The following TRAK2 variants were observed in gnomAD, a reference collection of about 807,000 sequenced individuals.
TRAK2 encodes trafficking kinesin protein 2.
TRAK2 carries 81 observed loss-of-function variants against 104.6 expected under a neutral mutation model. The ratio of observed to expected loss-of-function variants is 0.77; its 90% CI spans 0.65 to 0.93. The LOEUF is 0.93. Among genes scored for constraint, TRAK2 ranks in the 40% least tolerant of loss-of-function variants. The pLI, the probability that TRAK2 is intolerant of heterozygous loss-of-function variation, is 0.00. For missense variants in TRAK2, 1,002 were observed against 1,089.0 expected (o/e 0.92, Z 1.12); for synonymous variants, 406 against 394.4 (o/e 1.03, Z -0.35).
chr2:201,449,745 A>C (rs1951996723), intron 1 of TRAK2, among the ~76,000 whole-genome samples: 1 of 151,634 alleles, frequency 6.6e-6, no homozygotes, highest in Non-Finnish European at 1.5e-5. Context: ...CTCCGGGTTC[A>C]AGCAATTCTT....
intron 12 of TRAK2, chr2:201,388,215 G>T: frequency 1.8e-6 from 1 of 563,538 alleles, no homozygotes; most frequent in African/African-American, 1.9e-5. Flanking sequence ...TGAAAGGCAA[G>T]ATAATACTTT....
chr2:201,417,586 T>G (rs1487662465), intron 2 of TRAK2, among the ~76,000 whole-genome samples: 2 of 152,186 alleles, frequency 1.3e-5, no homozygotes, highest in Non-Finnish European at 2.9e-5. Context: ...GAAGGATATC[T>G]TCTCAATTTA....
At chr2:201,412,473 C>T in intron 2 of TRAK2, 1 of 1,142,286 alleles carries the variant, frequency 8.8e-7, no homozygotes. Context: ...GATCCAACTG[C>T]CTACTGAAAC....
intron 4 of TRAK2, 22 bp downstream of exon 4, chr2:201,400,996 G>T: frequency 6.3e-7 from 1 of 1,593,486 alleles, no homozygotes. Flanking sequence ...TTTTGTACTG[G>T]AGAAAGAAAA....
intron 1 of TRAK2, among the ~76,000 whole-genome samples, chr2:201,442,285 G>A (rs1468550906): frequency 1.3e-5 from 2 of 151,742 alleles, no homozygotes; most frequent in East Asian, 2.0e-4. Context: ...CAGCTACTCG[G>A]GAGGCTGCGG....
At chr2:201,417,700 T>C (rs1041210542) in intron 2 of TRAK2, among the ~76,000 whole-genome samples, 1 of 152,098 alleles carries the variant, frequency 6.6e-6, no homozygotes, top group African/African-American at 2.4e-5. Context: ...TATTCAACAA[T>C]ATACTGAGAT....
At chr2:201,422,190 G>C (rs546432853) in intron 1 of TRAK2, among the ~76,000 whole-genome samples, 1 of 151,702 alleles carries the variant, frequency 6.6e-6, no homozygotes, top group African/African-American at 2.4e-5. Context: ...ATATACTCAC[G>C]AAGTGTGCTA....
intron 2 of TRAK2, among the ~76,000 whole-genome samples, chr2:201,416,100 G>A (rs1161084807): frequency 6.6e-6 from 1 of 151,750 alleles, no homozygotes; most frequent in Non-Finnish European, 1.5e-5. Flanking sequence ...CAAAAAAGGT[G>A]AAATAGGCCA....
In TRAK2 at chr2:201,380,734, C is replaced by A. The variant is rs936014009; in HGVS notation, c.2554G>T (p.Ala852Ser). The A allele has an allele frequency of 4.3e-6, 7 of 1,614,100 alleles. No homozygotes were observed. Among genetic ancestry groups the A allele is most frequent in the Non-Finnish European group, 4.2e-6 (5 of 1,179,998 alleles). The change falls in exon 16 of 16, where the codon GCC becomes TCC. Residue 852 changes from alanine to serine, a missense_variant. Coordinates refer to ENST00000332624, the MANE Select transcript of TRAK2 (RefSeq NM_015049.3). ...GIARVVKNPG[A>S]QENGRCQEAE... ...TCCTGGCATCTTCCATTCTCTTGGG[C>A]ACCAGGGTTCTTGACCACTCTGGCT...
chr2:201,384,566 T>G (rs1434558811), intron 14 of TRAK2, among the ~76,000 whole-genome samples: 1 of 151,942 alleles, frequency 6.6e-6, no homozygotes, highest in African/African-American at 2.4e-5. Context: ...TCTGTGGGAG[T>G]CTACATGTCA....
Position 201,380,244 on chromosome 2 carries a change from C to T in TRAK2, c.*299G>A. 1 of 390,866 alleles carries T rather than the reference C, an allele frequency of 2.6e-6. No homozygotes were observed. The highest frequency in any genetic ancestry group is 4.7e-6 in the Non-Finnish European group (1 of 214,154). 24.2% of individuals were successfully genotyped at this position (390,866 alleles called of 1,614,324 possible). ...AGTATCTCTGTATGTTTTAGTATTACTGAATTTATTTGTATTCACTTTTTA... is the reference window on the plus strand; with the variant it reads ...AGTATCTCTGTATGTTTTAGTATTATTGAATTTATTTGTATTCACTTTTTA... On this transcript the variant is annotated 3_prime_UTR_variant, in exon 16 of 16. Coordinates refer to ENST00000332624, the MANE Select transcript of TRAK2 (RefSeq NM_015049.3).
At chr2:201,419,792 A>G (rs1173122325) in intron 2 of TRAK2, among the ~76,000 whole-genome samples, 2 of 152,218 alleles carry the variant, frequency 1.3e-5, no homozygotes, top group Non-Finnish European at 2.9e-5. Context: ...GATTTTTAGA[A>G]AAGTGGCACT....
rs1460174273 is a variant in TRAK2 at position 201,387,937 on chromosome 2, G to T, written c.1462C>A (p.Arg488Ser). ...GDSDLATALH[R>S]LSLRRQNYLS... ...TAGTTTTGTCGACGCAAGCTAAGGC[G>T]ATGCAGTGCTGTAGCCAAATCACTA... Residue 488 changes from arginine to serine, a missense_variant, in exon 13 of 16, where the codon CGC (arginine) becomes AGC (serine). Transcript: ENST00000332624. The T allele has an allele frequency of 6.2e-7, 1 of 1,614,154 alleles. No individual in the cohort carries two copies. The highest frequency in any genetic ancestry group is 2.2e-5 in the East Asian group (1 of 44,886).
At chr2:201,390,397 A>AC (rs1951435287) in intron 10 of TRAK2, among the ~76,000 whole-genome samples, 1 of 89,344 alleles carries the variant, frequency 1.1e-5, no homozygotes, top group Non-Finnish European at 2.8e-5. Flanking sequence ...ACAAAAAAAT[A>AC]CAAAAAAAAA....
chr2:201,382,119 T>C (rs950972572), intron 15 of TRAK2, among the ~76,000 whole-genome samples: 2 of 152,238 alleles, frequency 1.3e-5, no homozygotes, highest in African/African-American at 4.8e-5. Flanking sequence ...CGGTTTACTT[T>C]ACACAATACA....
intron 3 of TRAK2, among the ~76,000 whole-genome samples, chr2:201,403,402 CA>C (rs1951565944): frequency 6.6e-6 from 1 of 152,052 alleles, no homozygotes; most frequent in Non-Finnish European, 1.5e-5. Context: ...GCTCATCTCA[CA>C]AGGTCATTAG....
At chr2:201,428,920 C>A (rs980661110) in intron 1 of TRAK2, among the ~76,000 whole-genome samples, 9 of 152,184 alleles carry the variant, frequency 5.9e-5, no homozygotes, top group Non-Finnish European at 1.2e-4. Flanking sequence ...ATTTTATTCT[C>A]TTTGAAGCAA....
intron 11 of TRAK2, 75 bp from the exon 12 acceptor site, chr2:201,389,578 T>G: frequency 7.0e-7 from 1 of 1,434,666 alleles, no homozygotes; most frequent in Non-Finnish European, 9.7e-7. Flanking sequence ...GTATGTGCAG[T>G]CCATCAGAAA....
intron 1 of TRAK2, among the ~76,000 whole-genome samples, chr2:201,445,536 T>TA (rs1256825634): frequency 6.6e-6 from 1 of 152,208 alleles, no homozygotes; most frequent in African/African-American, 2.4e-5. Flanking sequence ...TGATGAGTGT[T>TA]ACAACAGAAT....
Sources: allele counts gnomAD v4.1 joint callset (sites outside exome capture counted in the v4.1 genomes callset), GRCh38; gene constraint gnomAD v4.1.1; transcripts MANE v1.5; gene names NCBI Gene and HGNC (gene_info 2026-07-23, HGNC 2026-07-21).